Variants in MBNL2 observed in about 807,000 individuals in gnomAD.
MBNL2 encodes muscleblind like splicing regulator 2.
Under a neutral mutation model 41.9 loss-of-function variants are expected in MBNL2, and 17 were observed. That is an observed-to-expected ratio of 0.41 (90% CI 0.28 to 0.61). The LOEUF (loss-of-function observed/expected upper bound fraction) is 0.61, where lower values mean the gene tolerates loss of function less well. Ranked by LOEUF, MBNL2 falls within the 20% of genes least tolerant of loss-of-function variation. The pLI is 0.35. For missense variants in MBNL2, 336 were observed against 505.6 expected, an observed-to-expected ratio of 0.66 and a Z score of 3.22; for synonymous variants, 195 against 182.9, an observed-to-expected ratio of 1.07 and a Z score of -0.53.
intron 1 of MBNL2, among the ~76,000 whole-genome samples, chr13:97,274,527 A>C (rs1214560184): frequency 1.3e-5 from 2 of 152,126 alleles, no homozygotes; most frequent in Admixed American, 6.6e-5. Flanking sequence ...AAAAAAAAAA[A>C]ATTATTGCTC....
intron 2 of MBNL2, among the ~76,000 whole-genome samples, chr13:97,303,628 G>T (rs1341555286): frequency 3.3e-5 from 5 of 152,240 alleles, no homozygotes; most frequent in Non-Finnish European, 7.3e-5. Context: ...GAAGGACACT[G>T]AAGTGTTTCC....
At chr13:97,242,026 G>A (rs1031722314) in intron 1 of MBNL2, among the ~76,000 whole-genome samples, 9 of 152,034 alleles carry the variant, frequency 5.9e-5, no homozygotes, top group Non-Finnish European at 8.8e-5. Context: ...GGACACTTCC[G>A]ATGCCTTCTG....
the MBNL2 span, among the ~76,000 whole-genome samples, chr13:97,200,538 T>C: frequency 6.6e-6 from 1 of 152,180 alleles, no homozygotes; most frequent in Non-Finnish European, 1.5e-5. Context: ...TCACTCCATA[T>C]AGAATATTAA....
chr13:97,209,611 C>A, the MBNL2 span, among the ~76,000 whole-genome samples: 2 of 151,838 alleles, frequency 1.3e-5, no homozygotes, highest in Admixed American at 6.6e-5. Flanking sequence ...ATGATAAAAC[C>A]CTTATTTGGG....
At chr13:97,261,282 A>G (rs1046370228) in intron 1 of MBNL2, among the ~76,000 whole-genome samples, 2 of 152,110 alleles carry the variant, frequency 1.3e-5, no homozygotes, top group Non-Finnish European at 2.9e-5. Context: ...GCCACTTGGC[A>G]TGTTCACACT....
chr13:97,298,322 T>A (rs566885892), intron 2 of MBNL2, among the ~76,000 whole-genome samples: 8 of 152,354 alleles, frequency 5.3e-5, no homozygotes, highest in Non-Finnish European at 1.0e-4. Context: ...CTTGAATACA[T>A]GAATAAATCT....
chr13:97,389,964 C>G (rs979458297), intron 8 of MBNL2, among the ~76,000 whole-genome samples: 14 of 151,790 alleles, frequency 9.2e-5, no homozygotes, highest in African/African-American at 3.4e-4. Context: ...TAATAGTATT[C>G]AAATACTAGA....
At position 97,290,336 on chromosome 13, in the gene MBNL2, G is replaced by A. The variant is rs912033860; in HGVS notation, c.174+13927G>A. Among the ~76,000 whole-genome samples, 8 of 152,100 alleles carry A rather than the reference G, an allele frequency of 5.3e-5. No individual in the cohort carries two copies. In the South Asian group the frequency reaches 1.2e-3, roughly 24 times the overall value. On this transcript the variant is annotated intron_variant, in intron 2 of 8. Transcript: ENST00000679496. Reference sequence around the variant, plus strand: ...GAAAGGAGACAAATTTCTTGACCTCGTGGGATTTTCATTCTAGTGGGAAGT... The same window carrying A: ...GAAAGGAGACAAATTTCTTGACCTCATGGGATTTTCATTCTAGTGGGAAGT...
At chr13:97,148,654 G>T in the MBNL2 span, among the ~76,000 whole-genome samples, 1 of 152,098 alleles carries the variant, frequency 6.6e-6, no homozygotes, top group Non-Finnish European at 1.5e-5. Flanking sequence ...AGAAAAAAAT[G>T]ATCATGCAGA....
chr13:97,285,680 T>G (rs75799437), intron 2 of MBNL2, among the ~76,000 whole-genome samples: 1 of 152,218 alleles, frequency 6.6e-6, no homozygotes, highest in African/African-American at 2.4e-5. Context: ...AAATACATAT[T>G]GATCACGTGC....
the MBNL2 span, among the ~76,000 whole-genome samples, chr13:97,203,484 C>T: frequency 0.04 from 6,048 of 152,234 alleles, 389 homozygotes; most frequent in African/African-American, 0.14. Context: ...CTCTGTGCTC[C>T]GGGGAAAAAT....
At chr13:97,145,048 A>T in the MBNL2 span, among the ~76,000 whole-genome samples, 3 of 152,194 alleles carry the variant, frequency 2.0e-5, no homozygotes, top group African/African-American at 7.2e-5. Context: ...ATATGTGGGA[A>T]GTGATGCATA....
the MBNL2 span, among the ~76,000 whole-genome samples, chr13:97,213,851 C>T: frequency 6.6e-6 from 1 of 152,072 alleles, no homozygotes; most frequent in Non-Finnish European, 1.5e-5. Flanking sequence ...AAATCAAAAC[C>T]AGTTGCATTT....
the MBNL2 span, among the ~76,000 whole-genome samples, chr13:97,155,115 T>A: frequency 6.6e-6 from 1 of 152,262 alleles, no homozygotes; most frequent in African/African-American, 2.4e-5. Flanking sequence ...TTAGAGCTTT[T>A]TGTTTCCTTA....
chr13:97,240,794 C>T (rs1013957569), intron 1 of MBNL2, among the ~76,000 whole-genome samples: 2 of 152,174 alleles, frequency 1.3e-5, no homozygotes, highest in Admixed American at 1.3e-4. Flanking sequence ...GGCTGGGCTA[C>T]ATTTGGAAAG....
intron 1 of MBNL2, among the ~76,000 whole-genome samples, chr13:97,225,124 G>A (rs976321376): frequency 6.6e-6 from 1 of 152,184 alleles, no homozygotes; most frequent in Non-Finnish European, 1.5e-5. Context: ...TGTTGCTATG[G>A]TGAAAACAAA....
chr13:97,142,699 T>C, the MBNL2 span, among the ~76,000 whole-genome samples: 1 of 152,174 alleles, frequency 6.6e-6, no homozygotes, highest in African/African-American at 2.4e-5. Flanking sequence ...CCGCTTCCGC[T>C]TCCTGTCCCA....
intron 3 of MBNL2, among the ~76,000 whole-genome samples, chr13:97,339,267 TGTGTGTGTGA>T (rs1275988017): frequency 1.3e-5 from 2 of 149,374 alleles, no homozygotes; most frequent in Non-Finnish European, 1.5e-5. Context: ...ATGAGTGTGT[TGTGTGTGTGA>T]GTGTGTGTGG....
At chr13:97,373,625 T>TATATATA (rs1287135685) in intron 8 of MBNL2, among the ~76,000 whole-genome samples, 5 of 150,102 alleles carry the variant, frequency 3.3e-5, no homozygotes, top group South Asian at 2.1e-4. Context: ...TATATATATA[T>TATATATA]TAAGGGTAGG....
Sources: allele counts gnomAD v4.1 joint callset (sites outside exome capture counted in the v4.1 genomes callset), GRCh38; gene constraint gnomAD v4.1.1; transcripts MANE v1.5; gene names NCBI Gene and HGNC (gene_info 2026-07-23, HGNC 2026-07-21).